The following CFAP46 variants were observed in gnomAD, a reference collection of about 807,000 sequenced individuals.
The protein encoded by CFAP46 is cilia and flagella associated protein 46.
CFAP46 carries 245 observed loss-of-function variants against 325.7 expected under a neutral mutation model. That is an observed-to-expected ratio of 0.75 (90% confidence interval 0.68 to 0.84). The LOEUF (loss-of-function observed/expected upper bound fraction) is 0.84, where lower values mean the gene tolerates loss of function less well. CFAP46 is among the 40% of genes least tolerant of loss of function. The pLI, the probability that CFAP46 is intolerant of heterozygous loss-of-function variation, is 0.00. For synonymous variants in CFAP46, 1,523 were observed against 1,495.9 expected (o/e 1.02, Z -0.42); for missense variants, 3,346 against 3,543.0 (o/e 0.94, Z 1.41).
At chr10:132,810,606 G>A (rs1364405847) in intron 56 of CFAP46, 117 bp from the exon 57 acceptor site, 6 of 896,442 alleles carry the variant, frequency 6.7e-6, no homozygotes, top group South Asian at 1.4e-5. Context: ...ACGCTGGCCC[G>A]CAGCGCGTTG....
At chr10:132,852,819 T>G (rs1293537193) in intron 39 of CFAP46, among the ~76,000 whole-genome samples, 1 of 152,262 alleles carries the variant, frequency 6.6e-6, no homozygotes, top group East Asian at 1.9e-4. Flanking sequence ...TTTTAAATGC[T>G]GTCATAAAAT....
rs1849671041 is a variant in CFAP46 at position 132,918,444 on chromosome 10, C to T, written c.1935G>A (p.Val645=). Residue 645 remains valine (V), a synonymous_variant, in exon 16 of 58, where the codon GTG becomes GTA. Transcript: ENST00000368586. The part of the protein sequence containing the change: ...SQPEVVLQRQ[V]CPDLLRKFAE... ...CGAACTTCCGCAGCAGGTCGGGGCA[C>T]ACCTGCCTCTGCAGGACGACCTCAG... 4 of 1,549,448 alleles carry T rather than the reference C, an allele frequency of 2.6e-6. No homozygotes were observed. Among genetic ancestry groups the T allele is most frequent in the Non-Finnish European group, 3.5e-6 (4 of 1,146,164 alleles).
intron 35 of CFAP46, among the ~76,000 whole-genome samples, chr10:132,864,659 A>T (rs1354577715): frequency 1.5e-5 from 2 of 135,402 alleles, no homozygotes; most frequent in African/African-American, 5.6e-5. Context: ...ACCTGCACAC[A>T]CCTGTCCCCA....
At position 132,938,758 on chromosome 10, in the gene CFAP46, G is replaced by A. The variant is rs751801321; in HGVS notation, c.372-5C>T. The A allele has an allele frequency of 8.7e-6, 14 of 1,609,992 alleles. No homozygotes were observed. In the East Asian group the frequency reaches 1.1e-4, roughly 13 times the overall value. The stretch of plus-strand genomic sequence containing the variant: ...TTGTACACCAAAAAGTAGTACCTGC[G>A]GCGCGAGCAGAGGAAGCAGAGAGCA... On this transcript the variant is annotated splice_polypyrimidine_tract_variant and splice_region_variant and intron_variant, in intron 4 of 57. Transcript: ENST00000368586.
Position 132,869,386 on chromosome 10 carries a change from G to T in CFAP46, c.4512-14C>A. 2 of 1,514,898 alleles carry T rather than the reference G, an allele frequency of 1.3e-6. No individual in the cohort carries two copies. The highest frequency in any genetic ancestry group is 1.8e-6 in the Non-Finnish European group (2 of 1,130,752). The allele number at this position is 1,514,898 out of a possible 1,614,324, so 93.8% of individuals were successfully genotyped here. The stretch of plus-strand genomic sequence containing the variant: ...GCGTGGGCGAGGCTGTGGGGAGTGT[G>T]GCCGAAAGAGTCAGTGTTGCACGGG... On this transcript the variant is annotated splice_polypyrimidine_tract_variant and intron_variant, in intron 32 of 57. Transcript: ENST00000368586. The surrounding 1 kb of genome is among the most constrained non-coding windows in gnomAD (Gnocchi z 6.2).
intron 24 of CFAP46, among the ~76,000 whole-genome samples, chr10:132,896,578 A>AGAAAT (rs1564793507): frequency 6.6e-6 from 1 of 152,272 alleles, no homozygotes; most frequent in Non-Finnish European, 1.5e-5. Flanking sequence ...GGTTGCTGAA[A>AGAAAT]GAAATTAAAG....
At chr10:132,885,705 C>T (rs1477114006) in intron 26 of CFAP46, 116 bp downstream of exon 26, 10 of 793,220 alleles carry the variant, frequency 1.3e-5, no homozygotes, top group Admixed American at 9.8e-5. Context: ...AGCACACCCC[C>T]GGTGGGGATG....
chr10:132,869,385 T>C lies in CFAP46; in HGVS notation c.4512-13A>G. 6.6e-7 allele frequency: 1 copy of C among 1,516,270 alleles called. No homozygotes were observed. The highest frequency in any genetic ancestry group is 8.8e-7 in the Non-Finnish European group (1 of 1,131,820). The allele number at this position is 1,516,270 out of a possible 1,614,324, so 93.9% of individuals were successfully genotyped here. Reference sequence around the variant, plus strand: ...CGCGTGGGCGAGGCTGTGGGGAGTGTGGCCGAAAGAGTCAGTGTTGCACGG... The same window carrying C: ...CGCGTGGGCGAGGCTGTGGGGAGTGCGGCCGAAAGAGTCAGTGTTGCACGG... On this transcript the variant is annotated splice_polypyrimidine_tract_variant and intron_variant, in intron 32 of 57. Coordinates refer to ENST00000368586, the MANE Select transcript of CFAP46 (RefSeq NM_001200049.3). This position sits in a 1 kb window ranked among gnomAD's most constrained non-coding sequence, Gnocchi z 6.2.
At chr10:132,907,758 G>C (rs1368525947) in intron 22 of CFAP46, among the ~76,000 whole-genome samples, 1 of 152,172 alleles carries the variant, frequency 6.6e-6, no homozygotes, top group Non-Finnish European at 1.5e-5. Flanking sequence ...GGCCTTTGAG[G>C]GGGGTTGGAT....
intron 23 of CFAP46, among the ~76,000 whole-genome samples, 170 bp downstream of exon 23, chr10:132,899,365 C>T (rs1263211328): frequency 2.0e-5 from 3 of 152,206 alleles, no homozygotes; most frequent in Non-Finnish European, 4.4e-5. Flanking sequence ...AAGAGGGGGC[C>T]GCTGCACCTC....
chr10:132,886,511 G>A lies in CFAP46; in HGVS notation c.3305-552C>T, dbSNP rs564250356. ...CCTGCCGGGAGGTGAGCCCCACCCA[G>A]CCTCCATAGGGCGCCCTGTGGGCCA... is the stretch of plus-strand genomic sequence containing the variant. On this transcript the variant is annotated intron_variant, in intron 25 of 57. Transcript: ENST00000368586. The surrounding 1 kb of genome is among the most constrained non-coding windows in gnomAD (Gnocchi z 5.8). Among the ~76,000 whole-genome samples the A allele has an allele frequency of 6.6e-6, 1 of 152,148 alleles. No homozygotes were observed. The highest frequency in any genetic ancestry group is 1.9e-4 in the East Asian group (1 of 5,166).
In CFAP46 at chr10:132,919,982, G is replaced by A. The variant is rs1040779188; in HGVS notation, c.1730+77C>T. 26 of 1,422,892 alleles carry A rather than the reference G, an allele frequency of 1.8e-5. No individual in the cohort carries two copies. The Admixed American group carries it at 1.9e-4, about 10-fold the overall frequency. The allele number at this position is 1,422,892 out of a possible 1,614,324, so 88.1% of individuals were successfully genotyped here. On this transcript the variant is annotated intron_variant, in intron 14 of 57. Transcript: ENST00000368586. The surrounding 1 kb of genome is among the most constrained non-coding windows in gnomAD (Gnocchi z 9.7). Reference sequence around the variant, plus strand: ...GGCCACATGCAGGGTCAGCTCAGCCGCCACAGACACTGGCCCTCGGGCTGA... The same window carrying A: ...GGCCACATGCAGGGTCAGCTCAGCCACCACAGACACTGGCCCTCGGGCTGA...
intron 35 of CFAP46, among the ~76,000 whole-genome samples, chr10:132,861,936 T>G (rs1333684495): frequency 6.6e-6 from 1 of 152,170 alleles, no homozygotes; most frequent in African/African-American, 2.4e-5. Context: ...TCTCTGGCCG[T>G]TCCATGCATT....
At chr10:132,872,979 G>T (rs1015298663) in intron 31 of CFAP46, among the ~76,000 whole-genome samples, 155 bp from the exon 32 acceptor site, 4 of 152,266 alleles carry the variant, frequency 2.6e-5, no homozygotes, top group Non-Finnish European at 5.9e-5. Context: ...CAGGTGCTCA[G>T]TGCGTTTCTG....
chr10:132,941,860 C>T (rs1459172972), intron 2 of CFAP46, 120 bp downstream of exon 2: 2 of 1,510,732 alleles, frequency 1.3e-6, no homozygotes, highest in African/African-American at 2.8e-5. Context: ...CATCCTGGCC[C>T]CTTGACTGCC....
At chr10:132,820,779 A>G (rs1392466068) in intron 50 of CFAP46, among the ~76,000 whole-genome samples, 1 of 111,420 alleles carries the variant, frequency 9.0e-6, no homozygotes, top group Admixed American at 1.0e-4. Flanking sequence ...GTGTGCGCTG[A>G]TGCGTGCTGT....
At chr10:132,809,030 G>T in intron 57 of CFAP46, 126 bp from the exon 58 acceptor site, 2 of 993,576 alleles carry the variant, frequency 2.0e-6, no homozygotes, top group South Asian at 1.8e-5. Context: ...GGAACACACT[G>T]CCATTCGCCA....
chr10:132,936,641 C>G (rs1337193209), intron 7 of CFAP46, among the ~76,000 whole-genome samples: 3 of 137,762 alleles, frequency 2.2e-5, no homozygotes, highest in African/African-American at 7.9e-5. Context: ...CCATGATCTC[C>G]TCACTCCCCT....
intron 4 of CFAP46, among the ~76,000 whole-genome samples, chr10:132,940,734 C>T (rs563985741): frequency 1.6e-4 from 24 of 152,316 alleles, no homozygotes; most frequent in African/African-American, 4.6e-4. Flanking sequence ...TGTGCCACCA[C>T]GCCCGGCAGA....
Sources: allele counts gnomAD v4.1 joint callset (sites outside exome capture counted in the v4.1 genomes callset), GRCh38; gene constraint gnomAD v4.1.1; non-coding constraint Gnocchi (gnomAD v3.1); transcripts MANE v1.5; gene names NCBI Gene and HGNC (gene_info 2026-07-23, HGNC 2026-07-21).